HDAC9: variants seen among roughly 807,000 people sequenced by gnomAD.
HDAC9 encodes the protein MEF-2 interacting transcription repressor (MITR) protein.
HDAC9 carries 41 observed loss-of-function variants against 139.4 expected under a neutral mutation model. The ratio of observed to expected loss-of-function variants is 0.29; its 90% CI spans 0.23 to 0.38. The LOEUF is 0.38. HDAC9 is among the 10% of genes least tolerant of loss of function. HDAC9 has a pLI of 1.00. For synonymous variants in HDAC9, 517 were observed against 476.2 expected, an observed-to-expected ratio of 1.09 and a Z score of -1.12; for missense variants, 1,147 against 1,297.0, an observed-to-expected ratio of 0.88 and a Z score of 1.78.
chr7:18,697,964 A>G (rs949956008), intron 12 of HDAC9, among the ~76,000 whole-genome samples: 9 of 152,120 alleles, frequency 5.9e-5, no homozygotes, highest in Non-Finnish European at 8.8e-5. Context: ...GTGAACTCTA[A>G]CTACTCATGA....
In HDAC9 at chr7:18,132,518, C is replaced by T. The variant is rs190216836; in HGVS notation, c.-96-29711C>T. Among the ~76,000 whole-genome samples, 5 of 152,240 alleles carry T rather than the reference C, an allele frequency of 3.3e-5. No individual in the cohort carries two copies. In the East Asian group the frequency reaches 9.6e-4, roughly 29 times the overall value. On this transcript the variant is annotated intron_variant, in intron 1 of 12. Coordinates refer to the HDAC9 transcript ENST00000417496. ...CCAACTTCTGGGCTCAAATGATCTTCCTGCCTCAGCCTCCTGAGTAGCTGA... is the reference window on the plus strand; with the variant it reads ...CCAACTTCTGGGCTCAAATGATCTTTCTGCCTCAGCCTCCTGAGTAGCTGA...
intron 2 of HDAC9, among the ~76,000 whole-genome samples, chr7:18,169,352 C>T (rs1424939606): frequency 6.6e-6 from 1 of 152,044 alleles, no homozygotes; most frequent in Non-Finnish European, 1.5e-5. Flanking sequence ...GTTCTTCTGT[C>T]TTTAGTCTAT....
At chr7:18,191,166 C>T (rs1184410318) in intron 2 of HDAC9, among the ~76,000 whole-genome samples, 1 of 152,112 alleles carries the variant, frequency 6.6e-6, no homozygotes, top group Admixed American at 6.6e-5. Context: ...TTGATTAACA[C>T]ATTATTTTAT....
At chr7:18,937,818 C>T (rs999442444) in intron 23 of HDAC9, among the ~76,000 whole-genome samples, 2 of 152,150 alleles carry the variant, frequency 1.3e-5, no homozygotes, top group Non-Finnish European at 2.9e-5. Context: ...ACTTTTCTTC[C>T]TATGTGGAAG....
intron 2 of HDAC9, among the ~76,000 whole-genome samples, chr7:18,193,740 AT>A (rs942517400): frequency 1.9e-4 from 29 of 150,200 alleles, no homozygotes; most frequent in African/African-American, 6.4e-4. Context: ...CTATGAGCTG[AT>A]TTTTTTTTTC....
Position 18,759,796 on chromosome 7 carries a change from C to T in HDAC9, c.2044-2361C>T, listed in dbSNP as rs78257440. ...ATGAGTGTTTAAATGTGTGATTGAG[C>T]ATTCAGCTAGAATCAGTGGGATTGT... On this transcript the variant is annotated intron_variant, in intron 14 of 25. Transcript: ENST00000686413. 5.9e-3 allele frequency among the ~76,000 whole-genome samples: 901 copies of T among 152,204 alleles called. 9 individuals are homozygous for T. Among genetic ancestry groups the T allele is most frequent in the African/African-American group, 0.021 (857 of 41,540 alleles).
intron 12 of HDAC9, among the ~76,000 whole-genome samples, chr7:18,719,865 T>C (rs1052878921): frequency 6.6e-6 from 1 of 152,206 alleles, no homozygotes; most frequent in African/African-American, 2.4e-5. Flanking sequence ...TTCTATTTGT[T>C]ACAAAGTCCT....
Position 18,392,313 on chromosome 7 carries a change from T to TCA in HDAC9, c.-42+101799_-42+101800insAC, listed in dbSNP as rs772738821. ...CTGTCTCTCTCTCTCTCTCTCTCTC[T>TCA]CTCACACACACACACACACACACAC... On this transcript the variant is annotated intron_variant, in intron 1 of 3. Transcript: ENST00000413509. 7.6e-3 allele frequency among the ~76,000 whole-genome samples: 850 copies of TCA among 111,138 alleles called. 4 individuals are homozygous for TCA. The highest frequency in any genetic ancestry group is 0.021 in the African/African-American group (633 of 29,566). The allele number at this position is 111,138 out of a possible 152,430, so 72.9% of individuals were successfully genotyped here.
chr7:18,906,530 A>G (rs1802279907), intron 22 of HDAC9, among the ~76,000 whole-genome samples: 1 of 152,212 alleles, frequency 6.6e-6, no homozygotes, highest in African/African-American at 2.4e-5. Flanking sequence ...TTAAGATAAT[A>G]TAGTTTTCTG....
chr7:18,738,528 T>G (rs1787139030), intron 13 of HDAC9, among the ~76,000 whole-genome samples: 1 of 152,238 alleles, frequency 6.6e-6, no homozygotes, highest in African/African-American at 2.4e-5. Context: ...AAGCTTAGTT[T>G]GGCTGGATAT....
At chr7:18,658,413 GA>G (rs1181073562) in intron 11 of HDAC9, among the ~76,000 whole-genome samples, 3 of 151,746 alleles carry the variant, frequency 2.0e-5, no homozygotes, top group African/African-American at 7.3e-5. Flanking sequence ...AGAACCAGAG[GA>G]AAAAAAATTT....
chr7:18,755,842 C>G (rs1473681213), intron 14 of HDAC9, among the ~76,000 whole-genome samples: 1 of 152,108 alleles, frequency 6.6e-6, no homozygotes, highest in Non-Finnish European at 1.5e-5. Flanking sequence ...GTGACTGAAT[C>G]AAGCAGTATT....
chr7:18,354,291 A>G (rs1783083369), intron 1 of HDAC9, among the ~76,000 whole-genome samples: 1 of 152,170 alleles, frequency 6.6e-6, no homozygotes, highest in Admixed American at 6.6e-5. Flanking sequence ...TGACCTTACT[A>G]TGACCTTGTA....
chr7:18,960,012 A>ACACACC (rs1263604693), intron 24 of HDAC9, among the ~76,000 whole-genome samples: 2 of 66,400 alleles, frequency 3.0e-5, no homozygotes, highest in Non-Finnish European at 6.4e-5. Flanking sequence ...TGTTTTAAAC[A>ACACACC]CACACACACA....
At chr7:18,180,273 A>C (rs1554322904) in intron 2 of HDAC9, among the ~76,000 whole-genome samples, 51 of 139,376 alleles carry the variant, frequency 3.7e-4, no homozygotes, top group South Asian at 1.4e-3. Flanking sequence ...ACACACACAC[A>C]CCACATTCTT....
chr7:18,319,168 G>A (rs1314317441), intron 1 of HDAC9, among the ~76,000 whole-genome samples: 1 of 152,144 alleles, frequency 6.6e-6, no homozygotes, highest in Admixed American at 6.6e-5. Flanking sequence ...ACACTTCGTG[G>A]TATTTATTTT....
chr7:18,359,456 C>T (rs1157568231), intron 1 of HDAC9, among the ~76,000 whole-genome samples: 1 of 152,186 alleles, frequency 6.6e-6, no homozygotes, highest in African/African-American at 2.4e-5. Context: ...CTTCCACTAA[C>T]CTGCTTTTCC....
chr7:18,539,712 A>T (rs1812111465), intron 2 of HDAC9, among the ~76,000 whole-genome samples: 1 of 152,030 alleles, frequency 6.6e-6, no homozygotes. Context: ...TGAAAAGGAA[A>T]AACATTTGGT....
intron 16 of HDAC9, among the ~76,000 whole-genome samples, chr7:18,780,456 T>A (rs146831289): frequency 0.012 from 1,804 of 152,112 alleles, 11 homozygotes; most frequent in Non-Finnish European, 0.019. Context: ...ACAGGGGTGA[T>A]GCATGACAAC....
Sources: gnomAD v4.1 joint callset for allele counts (sites outside exome capture counted in the v4.1 genomes callset) on GRCh38, gnomAD v4.1.1 for gene constraint, MANE v1.5 for transcripts, NCBI Gene and HGNC (gene_info 2026-07-23, HGNC 2026-07-21) for gene names.